The following C18orf32 variants were observed in gnomAD, a reference collection of about 807,000 sequenced individuals.
C18orf32 encodes chromosome 18 open reading frame 32.
A neutral mutation model predicts 7.4 loss-of-function variants in C18orf32; 5 were observed. The observed-to-expected ratio is 0.68, with a 90% confidence interval of 0.35 to 1.42. The LOEUF (loss-of-function observed/expected upper bound fraction) is 1.42. Among genes scored for constraint, C18orf32 ranks in the 40% most tolerant of loss-of-function variants. The pLI, the probability that C18orf32 is intolerant of heterozygous loss-of-function variation, is 0.04. For missense variants in C18orf32, 88 were observed against 92.4 expected, an observed-to-expected ratio of 0.95 and a Z score of 0.19; for synonymous variants, 30 against 29.3, an observed-to-expected ratio of 1.02 and a Z score of -0.08.
rs1243967572 is a variant in C18orf32, at chr18:49,478,427, C to T, written c.*3918G>A. ...TACAGGTGTGTACCACTATGCCCGA[C>T]TAATTTTTGTATTTTTAGTAGAGAC... On this transcript the variant is annotated 3_prime_UTR_variant, in exon 3 of 3. Transcript: ENST00000318240. 6.7e-6 allele frequency: 1 copy of T among 150,094 alleles called. No homozygotes were observed. Among genetic ancestry groups the T allele is most frequent in the Admixed American group, 6.6e-5 (1 of 15,212 alleles). 9.3% of individuals were successfully genotyped at this position (150,094 alleles called of 1,614,324 possible).
chr18:49,485,924 A>G (rs915406562), intron 1 of C18orf32: 1 of 149,422 alleles, frequency 6.7e-6, no homozygotes, highest in African/African-American at 2.4e-5. Flanking sequence ...TTTTTTTTTT[A>G]AATAATTAGC....
At position 49,481,336 on chromosome 18, in the gene C18orf32, T is replaced by C. The variant is rs2083659200; in HGVS notation, c.*1009A>G. 6.6e-6 allele frequency: 1 copy of C among 152,082 alleles called. No homozygotes were observed. The allele number at this position is 152,082 out of a possible 1,614,324, so 9.4% of individuals were successfully genotyped here. ...CCAGCTTCAGAGTGAATACAAAAAA[T>C]ATATAAGGATGCATCTCATCATCTT... On this transcript the variant is annotated 3_prime_UTR_variant, in exon 3 of 3. Transcript: ENST00000318240.
intron 1 of C18orf32, chr18:49,486,376 T>G (rs772956226): frequency 6.6e-6 from 1 of 152,202 alleles, no homozygotes; most frequent in Non-Finnish European, 1.5e-5. Context: ...TTTAAGTAAG[T>G]TCGCACACAG....
At chr18:49,486,688 C>G (rs751605146) in intron 1 of C18orf32, 3 of 152,024 alleles carry the variant, frequency 2.0e-5, no homozygotes, top group African/African-American at 7.2e-5. Context: ...GTCCAGACAA[C>G]AGAGTAGACA....
intron 2 of C18orf32, among the ~76,000 whole-genome samples, 190 bp from the exon 3 acceptor site, chr18:49,482,600 G>GCTGGGTATGGTGGGCA (rs1348901093): frequency 2.0e-5 from 3 of 151,942 alleles, no homozygotes; most frequent in Non-Finnish European, 4.4e-5. Flanking sequence ...GGTAGCATGT[G>GCTGGGTATGGTGGGCA]CCTATAATCC....
chr18:49,482,410 C>T lies in C18orf32; in HGVS notation c.166G>A (p.Gly56Ser). The change falls in exon 3 of 3, where the codon GGT becomes AGT. Residue 56 changes from glycine to serine, a missense_variant and splice_region_variant. Coordinates refer to ENST00000318240, the MANE Select transcript of C18orf32 (RefSeq NM_001035005.4). ...GTTGGTAATCCATTCATGTCTGCACCCTAAAATGAAAAAACATTTTAGAAA... is the reference window on the plus strand; with the variant it reads ...GTTGGTAATCCATTCATGTCTGCACTCTAAAATGAAAAAACATTTTAGAAA... ...DTNKGKVNFK[G>S]ADMNGLPTKG... The T allele has an allele frequency of 6.2e-7, 1 of 1,607,418 alleles. No homozygotes were observed. Among genetic ancestry groups the T allele is most frequent in the Non-Finnish European group, 8.5e-7 (1 of 1,175,900 alleles).
At chr18:49,485,556 G>GA (rs1245339927) in intron 1 of C18orf32, among the ~76,000 whole-genome samples, 156 of 135,652 alleles carry the variant, frequency 1.1e-3, no homozygotes, top group Middle Eastern at 3.8e-3. Context: ...CTCCGTGTCA[G>GA]AAAAAAAAAA....
Position 49,480,245 on chromosome 18 carries a change from G to C in C18orf32, c.*2100C>G, listed in dbSNP as rs1272823990. 1 of 152,782 alleles carries C rather than the reference G, an allele frequency of 6.5e-6. No homozygotes were observed. The highest frequency in any genetic ancestry group is 1.5e-5 in the Non-Finnish European group (1 of 68,556). The allele number at this position is 152,782 out of a possible 1,614,324, so 9.5% of individuals were successfully genotyped here. ...AGGTGGGAGGATCACTTGAGCCCAG[G>C]AGTTGGAGGCTGTAGTGAGCTATGA... On this transcript the variant is annotated 3_prime_UTR_variant, in exon 3 of 3. Coordinates refer to ENST00000318240, the MANE Select transcript of C18orf32 (RefSeq NM_001035005.4).
Position 49,482,154 on chromosome 18 carries a change from G to C in C18orf32, c.*191C>G. The C allele has an allele frequency of 1.8e-6, 1 of 547,990 alleles. No homozygotes were observed. Among genetic ancestry groups the C allele is most frequent in the East Asian group, 3.2e-5 (1 of 31,036 alleles). 33.9% of individuals were successfully genotyped at this position (547,990 alleles called of 1,614,324 possible). ...ATTAACGAAAAAGGAACTTAGGAAT[G>C]AGGTCATTAAATATAACTAACTACA... On this transcript the variant is annotated 3_prime_UTR_variant, in exon 3 of 3. Coordinates refer to ENST00000318240, the MANE Select transcript of C18orf32 (RefSeq NM_001035005.4).
Position 49,483,667 on chromosome 18 carries a change from C to G in C18orf32, c.82G>C (p.Val28Leu). ...KFLEPYIYPL[V>L]SPFVSRIWPK... Reference sequence around the variant, plus strand: ...CATATACGACTAACGAAGGGGGAAACCAGAGGGTATATATATGGCTCCAGG... The same window carrying G: ...CATATACGACTAACGAAGGGGGAAAGCAGAGGGTATATATATGGCTCCAGG... The change falls in exon 2 of 3, where the codon GTT (valine) becomes CTT (leucine). Residue 28 changes from valine to leucine, a missense_variant. By Grantham distance (32) the Val-to-Leu change is conservative. Coordinates refer to ENST00000318240, the MANE Select transcript of C18orf32 (RefSeq NM_001035005.4). The G allele has an allele frequency of 6.2e-7, 1 of 1,613,518 alleles. No homozygotes were observed.
chr18:49,482,173 AACT>A lies in C18orf32; in HGVS notation c.*169_*171del, dbSNP rs2083669088. The stretch of plus-strand genomic sequence containing the variant: ...AGGAATGAGGTCATTAAATATAACT[AACT>A]ACATTTTAAATACGGATATCATATA... On this transcript the variant is annotated 3_prime_UTR_variant, in exon 3 of 3. Transcript: ENST00000318240. 8.3e-6 allele frequency: 5 copies of A among 600,832 alleles called. No individual in the cohort carries two copies. Among genetic ancestry groups the A allele is most frequent in the Non-Finnish European group, 1.5e-5 (5 of 340,028 alleles). 37.2% of individuals were successfully genotyped at this position (600,832 alleles called of 1,614,324 possible).
chr18:49,484,494 G>A (rs1023923953), intron 1 of C18orf32: 3 of 151,602 alleles, frequency 2.0e-5, no homozygotes, highest in African/African-American at 7.3e-5. Context: ...GGAAGGCTGA[G>A]GCAGAATTGC....
rs1221023745 is a variant in C18orf32, at chr18:49,484,148, ATATATAT to A, written c.-23-384_-23-378del. The stretch of plus-strand genomic sequence containing the variant: ...TGTCTCAAAAAAAGAAAAAAAAAAA[ATATATAT>A]ATATATATATATACACACACACACA... On this transcript the variant is annotated intron_variant, in intron 1 of 2. Coordinates refer to ENST00000318240, the MANE Select transcript of C18orf32 (RefSeq NM_001035005.4). Among the ~76,000 whole-genome samples, 480 of 106,264 alleles carry A rather than the reference ATATATAT, an allele frequency of 4.5e-3. 4 individuals are homozygous for A. Among genetic ancestry groups the A allele is most frequent in the African/African-American group, 0.012 (324 of 28,108 alleles). The allele number at this position is 106,264 out of a possible 152,430, so 69.7% of individuals were successfully genotyped here.
chr18:49,484,036 A>G (rs371528209), intron 1 of C18orf32, among the ~76,000 whole-genome samples: 82 of 151,658 alleles, frequency 5.4e-4, no homozygotes, highest in South Asian at 2.9e-3. Context: ...GGCTGGGACA[A>G]GAGGATCACT....
chr18:49,477,869 C>CTA lies in C18orf32; in HGVS notation c.*4474_*4475dup, dbSNP rs774374775. Reference sequence around the variant, plus strand: ...TATACACACACTATATATATACACACTATATATATACACTATATATATATA... The same window carrying CTA: ...TATACACACACTATATATATACACACTATATATATATACACTATATATATATA... On this transcript the variant is annotated 3_prime_UTR_variant, in exon 3 of 3. Coordinates refer to ENST00000318240, the MANE Select transcript of C18orf32 (RefSeq NM_001035005.4). 3 of 140,462 alleles carry CTA rather than the reference C, an allele frequency of 2.1e-5. No homozygotes were observed. Among genetic ancestry groups the CTA allele is most frequent in the East Asian group, 2.0e-4 (1 of 5,008 alleles). 8.7% of individuals were successfully genotyped at this position (140,462 alleles called of 1,614,324 possible). A position where few individuals can be genotyped will look rare whatever the true frequency, so the allele number is the denominator to read the frequency against.
rs1486299953 is a variant in C18orf32 at position 49,482,156 on chromosome 18, G to C, written c.*189C>G. ...TAACGAAAAAGGAACTTAGGAATGA[G>C]GTCATTAAATATAACTAACTACATT... On this transcript the variant is annotated 3_prime_UTR_variant, in exon 3 of 3. Transcript: ENST00000318240. 1 of 557,742 alleles carries C rather than the reference G, an allele frequency of 1.8e-6. No individual in the cohort carries two copies. Among genetic ancestry groups the C allele is most frequent in the Non-Finnish European group, 3.1e-6 (1 of 317,644 alleles). 34.5% of individuals were successfully genotyped at this position (557,742 alleles called of 1,614,324 possible).
chr18:49,486,498 C>A (rs955594241), intron 1 of C18orf32: 3 of 151,978 alleles, frequency 2.0e-5, no homozygotes, highest in Non-Finnish European at 4.4e-5. Flanking sequence ...TGTATCTTAT[C>A]TTTTAATCTT....
In C18orf32 at chr18:49,483,664, A is replaced by G. The variant is rs1440120203; in HGVS notation, c.85T>C (p.Ser29Pro). 9 of 1,613,756 alleles carry G rather than the reference A, an allele frequency of 5.6e-6. No homozygotes were observed. Among genetic ancestry groups the G allele is most frequent in the Middle Eastern group, 1.6e-4 (1 of 6,082 alleles). Residue 29 changes from serine (S) to proline (P), a missense_variant, in exon 2 of 3, where the codon TCC (serine) becomes CCC (proline). Ser to Pro is a moderately conservative substitution (Grantham distance 74, BLOSUM62 -1). Transcript: ENST00000318240. Reference protein sequence around the residue: ...FLEPYIYPLVSPFVSRIWPKK... With the variant: ...FLEPYIYPLVPPFVSRIWPKK... ...GGCCATATACGACTAACGAAGGGGG[A>G]AACCAGAGGGTATATATATGGCTCC...
chr18:49,480,445 T>G lies in C18orf32; in HGVS notation c.*1900A>C, dbSNP rs529385080. On this transcript the variant is annotated 3_prime_UTR_variant, in exon 3 of 3. Transcript: ENST00000318240. ...AAAGAAGTAGGGACAATTAGAAACG[T>G]TGCAATATTACTTAATTTTTAAAAG... The G allele has an allele frequency of 1.3e-5, 2 of 152,000 alleles. No homozygotes were observed. Among genetic ancestry groups the G allele is most frequent in the African/African-American group, 4.8e-5 (2 of 41,394 alleles). The allele number at this position is 152,000 out of a possible 1,614,324, so 9.4% of individuals were successfully genotyped here. A position where few individuals can be genotyped will look rare whatever the true frequency, so the allele number is the denominator to read the frequency against.
Sources: allele counts gnomAD v4.1 joint callset (sites outside exome capture counted in the v4.1 genomes callset), GRCh38; gene constraint gnomAD v4.1.1; transcripts MANE v1.5; gene names NCBI Gene and HGNC (gene_info 2026-07-23, HGNC 2026-07-21).